Variants in MYL10 observed in about 807,000 individuals in gnomAD.
MYL10 encodes myosin regulatory light chain 10.
MYL10 carries 18 observed loss-of-function variants against 21.9 expected under a neutral mutation model. The ratio of observed to expected loss-of-function variants is 0.82; its 90% confidence interval spans 0.57 to 1.22. The LOEUF is 1.22. Ranked by LOEUF, MYL10 falls within the 50% of genes most tolerant of loss-of-function variation. The pLI is 0.00. For synonymous variants in MYL10, 88 were observed against 82.8 expected (o/e 1.06, Z -0.34); for missense variants, 225 against 230.4 (o/e 0.98, Z 0.15).
At chr7:101,614,569 G>C (rs909835193) in intron 6 of MYL10, among the ~76,000 whole-genome samples, 1 of 152,182 alleles carries the variant, frequency 6.6e-6, no homozygotes, top group Non-Finnish European at 1.5e-5. Context: ...GAGAGAAAGT[G>C]GTTGACAGTA....
chr7:101,618,582 G>A (rs1453500900), intron 5 of MYL10, among the ~76,000 whole-genome samples: 1 of 152,192 alleles, frequency 6.6e-6, no homozygotes. Flanking sequence ...CTGTTCTTGA[G>A]ACTGCAAACC....
intron 1 of MYL10, 139 bp downstream of exon 1, chr7:101,628,902 G>A (rs773890913): frequency 8.2e-6 from 3 of 366,388 alleles, no homozygotes; most frequent in Non-Finnish European, 1.6e-5. Flanking sequence ...AGAAGGTCAG[G>A]CCATGTCTTA....
chr7:101,614,194 G>T (rs1010125751), intron 6 of MYL10, among the ~76,000 whole-genome samples: 5 of 152,172 alleles, frequency 3.3e-5, no homozygotes, highest in Admixed American at 3.3e-4. Flanking sequence ...GCCTGCAAGG[G>T]CCTGCCCCCT....
chr7:101,614,778 C>T (rs1003103259), intron 6 of MYL10, among the ~76,000 whole-genome samples: 1 of 152,072 alleles, frequency 6.6e-6, no homozygotes, highest in Non-Finnish European at 1.5e-5. Flanking sequence ...CGGGACAGAC[C>T]CTCTCCACCT....
At chr7:101,615,951 G>A (rs762784549) in intron 6 of MYL10, among the ~76,000 whole-genome samples, 2 of 151,812 alleles carry the variant, frequency 1.3e-5, no homozygotes, top group Non-Finnish European at 2.9e-5. Flanking sequence ...TGCCCACCTC[G>A]GCTTCCCAAA....
chr7:101,619,216 C>T (rs1275543098), intron 5 of MYL10, among the ~76,000 whole-genome samples: 1 of 152,246 alleles, frequency 6.6e-6, no homozygotes, highest in Non-Finnish European at 1.5e-5. Flanking sequence ...TCACACATGT[C>T]TTTTCCACAG....
chr7:101,625,656 C>T (rs1796737160), intron 1 of MYL10, among the ~76,000 whole-genome samples: 1 of 152,162 alleles, frequency 6.6e-6, no homozygotes, highest in Admixed American at 6.5e-5. Context: ...TTACTGGGTG[C>T]TCTGTCTCTC....
Position 101,613,504 on chromosome 7 carries a change from C to G in MYL10, c.652G>C (p.Val218Leu). ...TCCTTCTCTTCACCGTGAGTGATGA[C>G]GTAGCACAGGTTTCTGTAGTCCAGG... ...GNLDYRNLCYVITHGEEKD is the reference protein window; with the variant it reads ...GNLDYRNLCYLITHGEEKD The change falls in exon 8 of 8, where the codon GTC becomes CTC. Residue 218 changes from valine (V) to leucine (L), a missense_variant. Transcript: ENST00000223167. 2 of 1,614,142 alleles carry G rather than the reference C, an allele frequency of 1.2e-6. No homozygotes were observed. Among genetic ancestry groups the G allele is most frequent in the Non-Finnish European group, 1.7e-6 (2 of 1,180,010 alleles).
chr7:101,618,009 T>G (rs1281865946), intron 5 of MYL10, among the ~76,000 whole-genome samples: 1 of 151,884 alleles, frequency 6.6e-6, no homozygotes, highest in African/African-American at 2.4e-5. Flanking sequence ...CATCTGTGCC[T>G]CTCCCATCAG....
chr7:101,619,931 A>G (rs143379869), intron 5 of MYL10, among the ~76,000 whole-genome samples: 268 of 151,650 alleles, frequency 1.8e-3, no homozygotes, highest in African/African-American at 6.0e-3. Flanking sequence ...GAGCCTGCAA[A>G]TGTCACCTTA....
At chr7:101,621,552 G>T (rs1203251456) in intron 5 of MYL10, among the ~76,000 whole-genome samples, 4 of 151,890 alleles carry the variant, frequency 2.6e-5, no homozygotes, top group Non-Finnish European at 4.4e-5. Flanking sequence ...GCAGTGGGAT[G>T]GGTGGGCAAA....
chr7:101,621,661 T>C (rs1796679586), intron 5 of MYL10, among the ~76,000 whole-genome samples: 1 of 152,026 alleles, frequency 6.6e-6, no homozygotes, highest in African/African-American at 2.4e-5. Context: ...CGATCTCGGC[T>C]CACTGCAACC....
chr7:101,622,109 C>A lies in MYL10; in HGVS notation c.441G>T (p.Gly147=), dbSNP rs1023537882. The A allele has an allele frequency of 6.2e-7, 1 of 1,613,784 alleles. No individual in the cohort carries two copies. Among genetic ancestry groups the A allele is most frequent in the East Asian group, 2.2e-5 (1 of 44,850 alleles). The part of the protein sequence containing the change: ...INFTVFLTMF[G]EKLKGTDPEE... Reference sequence around the variant, plus strand: ...AGCCTGGCTCACCCTTCAGCTTCTCCCCAAACATGGTCAGGAACACCGTGA... The same window carrying A: ...AGCCTGGCTCACCCTTCAGCTTCTCACCAAACATGGTCAGGAACACCGTGA... Residue 147 remains glycine, a synonymous_variant, in exon 5 of 8, where the codon GGG becomes GGT. Coordinates refer to ENST00000223167, the MANE Select transcript of MYL10 (RefSeq NM_138403.5).
At chr7:101,617,012 G>A (rs899580765) in intron 5 of MYL10, among the ~76,000 whole-genome samples, 3 of 152,250 alleles carry the variant, frequency 2.0e-5, no homozygotes, top group Non-Finnish European at 2.9e-5. Flanking sequence ...CCCCCACATT[G>A]CACCAATGGG....
At chr7:101,628,640 C>G (rs1333299267) in intron 1 of MYL10, among the ~76,000 whole-genome samples, 1 of 152,208 alleles carries the variant, frequency 6.6e-6, no homozygotes, top group Non-Finnish European at 1.5e-5. Context: ...CCTCCTGTGT[C>G]TAGTGCAGCC....
intron 6 of MYL10, among the ~76,000 whole-genome samples, chr7:101,615,466 G>A (rs1796597995): frequency 6.6e-6 from 1 of 150,808 alleles, no homozygotes; most frequent in Admixed American, 6.6e-5. Context: ...GGCCCCGCCT[G>A]CCGCTCTGTG....
chr7:101,626,120 G>T (rs1321385567), intron 1 of MYL10, among the ~76,000 whole-genome samples: 1 of 152,246 alleles, frequency 6.6e-6, no homozygotes, highest in Non-Finnish European at 1.5e-5. Context: ...AGAAGGGGGG[G>T]TCACCCGGAT....
intron 1 of MYL10, 69 bp downstream of exon 1, chr7:101,628,972 G>A (rs141115184): frequency 9.5e-5 from 42 of 441,586 alleles, no homozygotes; most frequent in East Asian, 1.4e-4. Flanking sequence ...ACTGAGGCAC[G>A]CATGGGTTAA....
At chr7:101,622,661 T>G (rs1181866134) in intron 4 of MYL10, among the ~76,000 whole-genome samples, 1 of 152,114 alleles carries the variant, frequency 6.6e-6, no homozygotes, top group East Asian at 1.9e-4. Context: ...ATCAGAAACC[T>G]CAACCTGGGA....
Sources: allele counts gnomAD v4.1 joint callset (sites outside exome capture counted in the v4.1 genomes callset), GRCh38; gene constraint gnomAD v4.1.1; transcripts MANE v1.5; gene names NCBI Gene and HGNC (gene_info 2026-07-23, HGNC 2026-07-21).